ACSM3: variants seen among roughly 807,000 people sequenced by gnomAD.
ACSM3 encodes the protein acyl-CoA synthetase medium chain family member 3, also known as acyl-coenzyme A synthetase ACSM3, mitochondrial.
ACSM3 carries 61 observed loss-of-function variants against 74.1 expected under a neutral mutation model. The observed-to-expected ratio is 0.82, with a 90% CI of 0.67 to 1.02. The LOEUF (loss-of-function observed/expected upper bound fraction) is 1.02, where lower values mean the gene tolerates loss of function less well. Among genes scored for constraint, ACSM3 ranks in the 50% least tolerant of loss-of-function variants. ACSM3 has a pLI of 0.00. For missense variants in ACSM3, 660 were observed against 697.0 expected, an observed-to-expected ratio of 0.95 and a Z score of 0.60; for synonymous variants, 213 against 241.5, an observed-to-expected ratio of 0.88 and a Z score of 1.09.
intron 1 of ACSM3, among the ~76,000 whole-genome samples, chr16:20,708,913 G>A (rs1474800554): frequency 2.6e-5 from 4 of 152,208 alleles, no homozygotes; most frequent in Non-Finnish European, 5.9e-5. Flanking sequence ...GCATGTTATT[G>A]TCTTAAAAAC....
In ACSM3 at chr16:20,781,000, A is replaced by C; in HGVS notation, c.809A>C (p.Asp270Ala). The part of the protein sequence containing the change: ...GRFWLDLTPS[D>A]VMWNTSDTGW... ...TTCTGGCTAGATTTGACACCCTCAG[A>C]TGTGATGTGGAATACCTCAGATACG... The change falls in exon 6 of 14, where the codon GAT becomes GCT. Residue 270 changes from aspartate (D) to alanine (A), a missense_variant. Transcript: ENST00000289416. The C allele has an allele frequency of 6.2e-7, 1 of 1,614,186 alleles. No homozygotes were observed. The highest frequency in any genetic ancestry group is 8.5e-7 in the Non-Finnish European group (1 of 1,180,034).
At chr16:20,747,258 T>G (rs886480213) in intron 1 of ACSM3, among the ~76,000 whole-genome samples, 1 of 152,182 alleles carries the variant, frequency 6.6e-6, no homozygotes, top group Admixed American at 6.5e-5. Context: ...TCTTTCAGCT[T>G]CCGCCTTCCC....
intron 1 of ACSM3, among the ~76,000 whole-genome samples, chr16:20,685,832 C>A (rs7500012): frequency 0.51 from 35,818 of 69,886 alleles, 9,040 homozygotes; most frequent in Non-Finnish European, 0.62. Context: ...AAAAAAAAAA[C>A]AAACAAAAAA....
chr16:20,685,837 A>AAG (rs1567311043), intron 1 of ACSM3, among the ~76,000 whole-genome samples: 1 of 89,952 alleles, frequency 1.1e-5, no homozygotes, highest in African/African-American at 4.4e-5. Flanking sequence ...AAAAACAAAC[A>AAG]AAAAAAAAAC....
In ACSM3 at chr16:20,741,967, C is replaced by T. The variant is rs777320955; in HGVS notation, c.-189-7943C>T. ...TCCTGCCCCGCCTCCCGACTGCAAC[C>T]TGAATCCAGTAGAGGCAGCATAGCA... On this transcript the variant is annotated intron_variant, in intron 1 of 3. Coordinates refer to the ACSM3 transcript ENST00000561584. 3 of 1,529,266 alleles carry T rather than the reference C, an allele frequency of 2.0e-6. No individual in the cohort carries two copies. The African/African-American group carries it at 4.1e-5, about 21-fold the overall frequency. The allele number at this position is 1,529,266 out of a possible 1,614,324, so 94.7% of individuals were successfully genotyped here.
intron 1 of ACSM3, chr16:20,711,775 T>C (rs1338850482): frequency 5.5e-6 from 2 of 365,896 alleles, no homozygotes; most frequent in Non-Finnish European, 1.1e-5. Context: ...TCAGGAACAC[T>C]GTGAGTTGAT....
At chr16:20,741,593 G>A (rs777783856) in intron 1 of ACSM3, 1 of 1,575,624 alleles carries the variant, frequency 6.3e-7, no homozygotes, top group Admixed American at 1.8e-5. Flanking sequence ...TCATATTGCA[G>A]GTGATGAGGA....
intron 1 of ACSM3, among the ~76,000 whole-genome samples, chr16:20,745,627 C>T (rs1483110063): frequency 6.6e-6 from 1 of 151,966 alleles, no homozygotes; most frequent in Non-Finnish European, 1.5e-5. Context: ...CACTTGGCAC[C>T]TTGTGGCACC....
chr16:20,762,679 A>G (rs372807736), upstream of ACSM3, among the ~76,000 whole-genome samples: 3 of 152,222 alleles, frequency 2.0e-5, no homozygotes, highest in Middle Eastern at 3.2e-3. Flanking sequence ...ACATGCTTAT[A>G]GTAACTGATG....
intron 1 of ACSM3, among the ~76,000 whole-genome samples, chr16:20,696,424 T>G (rs1375290871): frequency 6.6e-6 from 1 of 152,238 alleles, no homozygotes; most frequent in African/African-American, 2.4e-5. Context: ...ATTCTTCCCT[T>G]CTTTGTCATA....
chr16:20,718,382 C>T (rs1789642488), intron 1 of ACSM3: 2 of 957,046 alleles, frequency 2.1e-6, no homozygotes, highest in Non-Finnish European at 2.8e-6. Context: ...TGTGTGGAAA[C>T]AGGAAGTCAA....
intron 1 of ACSM3, chr16:20,734,278 CTT>C (rs2079849935): frequency 6.6e-6 from 1 of 152,578 alleles, no homozygotes; most frequent in Non-Finnish European, 1.5e-5. Context: ...AAAATAGAAT[CTT>C]TGTCTTGGAG....
Position 20,696,997 on chromosome 16 carries a change from C to G in ACSM3, c.-190+22175C>G, listed in dbSNP as rs887644407. ...TAGTGTGATAATTTACTTGCTGGCA[C>G]TGAATGAAGTGCACGGTAAGGACTC... On this transcript the variant is annotated intron_variant, in intron 1 of 3. Transcript: ENST00000561584. Among the ~76,000 whole-genome samples the G allele has an allele frequency of 2.0e-5, 3 of 152,180 alleles. No individual in the cohort carries two copies. In the South Asian group the frequency reaches 6.2e-4, roughly 32 times the overall value.
chr16:20,740,534 A>G (rs1271209407), intron 1 of ACSM3, among the ~76,000 whole-genome samples: 1 of 152,250 alleles, frequency 6.6e-6, no homozygotes, highest in African/African-American at 2.4e-5. Context: ...ACTTTATTAC[A>G]TACCAGTATG....
At chr16:20,750,478 C>T (rs2079981301) in intron 2 of ACSM3, among the ~76,000 whole-genome samples, 1 of 152,160 alleles carries the variant, frequency 6.6e-6, no homozygotes, top group African/African-American at 2.4e-5. Context: ...ACCCCCCTCT[C>T]TCTCGTTTCT....
intron 1 of ACSM3, among the ~76,000 whole-genome samples, chr16:20,765,064 G>A (rs2080111424): frequency 6.6e-6 from 1 of 152,136 alleles, no homozygotes; most frequent in African/African-American, 2.4e-5. Flanking sequence ...GGAGCTGTGG[G>A]GAGGCTAAAG....
chr16:20,738,928 AT>A (rs1176836937), intron 1 of ACSM3: 19 of 1,614,016 alleles, frequency 1.2e-5, no homozygotes, highest in African/African-American at 1.3e-5. Context: ...AGACAACGTT[AT>A]TTGCTCCACT....
intron 1 of ACSM3, among the ~76,000 whole-genome samples, chr16:20,717,824 AAGGAAGAAGGAAGAAGAAGGAGG>A (rs2079767803): frequency 6.6e-6 from 1 of 150,470 alleles, no homozygotes. Flanking sequence ...GAAGAAGAGG[AAGGAAGAAGGAAGAAGAAGGAGG>A]AGGAAGAGGA....
At chr16:20,773,749 T>C (rs1459213770) in intron 2 of ACSM3, among the ~76,000 whole-genome samples, 1 of 152,214 alleles carries the variant, frequency 6.6e-6, no homozygotes. Flanking sequence ...TTTTTAAGAA[T>C]TTGTTGAAAT....
Sources: allele counts gnomAD v4.1 joint callset (sites outside exome capture counted in the v4.1 genomes callset), GRCh38; gene constraint gnomAD v4.1.1; transcripts MANE v1.5; gene names NCBI Gene and HGNC (gene_info 2026-07-23, HGNC 2026-07-21).